Variants in TBC1D16 observed in about 807,000 individuals in gnomAD.
The protein encoded by TBC1D16 is CTD-2529O21.1.
TBC1D16 carries 58 observed loss-of-function variants against 74.7 expected under a neutral mutation model. That is an observed-to-expected ratio of 0.78 (90% confidence interval 0.63 to 0.97). TBC1D16 has a LOEUF of 0.97. Among genes scored for constraint, TBC1D16 ranks in the 50% least tolerant of loss-of-function variants. The pLI is 0.00. For missense variants in TBC1D16, 1,014 were observed against 1,079.5 expected (o/e 0.94, Z 0.85); for synonymous variants, 493 against 474.7 (o/e 1.04, Z -0.50).
At chr17:80,017,645 C>A (rs1314741898) in intron 1 of TBC1D16, among the ~76,000 whole-genome samples, 2 of 141,654 alleles carry the variant, frequency 1.4e-5, no homozygotes, top group African/African-American at 2.6e-5. Context: ...CGCTCCATTG[C>A]ACTCCAGCCT....
At chr17:80,013,283 T>A (rs1365397647) in intron 2 of TBC1D16, 84 bp downstream of exon 2, 5 of 1,326,626 alleles carry the variant, frequency 3.8e-6, no homozygotes, top group Non-Finnish European at 5.1e-6. Flanking sequence ...CACTCTCACG[T>A]GCTGTGGCCC....
chr17:80,013,312 G>A, intron 2 of TBC1D16, 55 bp downstream of exon 2: 4 of 1,520,414 alleles, frequency 2.6e-6, no homozygotes, highest in East Asian at 4.8e-5. Context: ...TAGAGCCCTG[G>A]CTCGGAAAAT....
chr17:80,028,001 G>T (rs1240712990), intron 1 of TBC1D16, among the ~76,000 whole-genome samples: 1 of 151,764 alleles, frequency 6.6e-6, no homozygotes, highest in Non-Finnish European at 1.5e-5. Flanking sequence ...TTGAAACGGT[G>T]ATGTCCTTGT....
chr17:79,941,012 G>A lies in TBC1D16; in HGVS notation c.2151C>T (p.Ser717=), dbSNP rs746404954. Residue 717 remains serine (S), a synonymous_variant, in exon 12 of 12, where the codon AGC becomes AGT. Transcript: ENST00000310924. The surrounding 1 kb of genome is among the most constrained non-coding windows in gnomAD (Gnocchi z 4.3). ...TGCACTCCACCGCGGGCATGGAGCC[G>A]CTGTCCCACATGCCTGACCCGCACA... is the stretch of plus-strand genomic sequence containing the variant. ...CKLCGSGMWD[S]GSMPAVECTG... 2.1e-5 allele frequency: 34 copies of A among 1,607,608 alleles called. No homozygotes were observed. The highest frequency in any genetic ancestry group is 1.6e-4 in the Middle Eastern group (1 of 6,074).
intron 10 of TBC1D16, chr17:79,943,805 T>C (rs1009912385): frequency 1.5e-6 from 2 of 1,300,158 alleles, no homozygotes; most frequent in East Asian, 7.0e-5. Context: ...ACGCGCTGAG[T>C]TCACGGGTAA....
rs544642230 is a variant in TBC1D16, at chr17:79,979,191, C to T, written c.780-26373G>A. 2.6e-5 allele frequency among the ~76,000 whole-genome samples: 4 copies of T among 152,312 alleles called. No individual in the cohort carries two copies. The South Asian group carries it at 8.3e-4, about 32-fold the overall frequency. ...GAAAGGAGGAGCCATAGGAGCTGGG[C>T]AGGGAAGGCCAGAGCACACACGCTC... On this transcript the variant is annotated intron_variant, in intron 3 of 11. Transcript: ENST00000310924. The surrounding 1 kb of genome is among the most constrained non-coding windows in gnomAD (Gnocchi z 4.8).
Position 79,979,390 on chromosome 17 carries a change from G to T in TBC1D16, c.780-26572C>A, listed in dbSNP as rs564960100. Among the ~76,000 whole-genome samples, 1 of 152,138 alleles carries T rather than the reference G, an allele frequency of 6.6e-6. No individual in the cohort carries two copies. The highest frequency in any genetic ancestry group is 1.5e-5 in the Non-Finnish European group (1 of 68,022). On this transcript the variant is annotated intron_variant, in intron 3 of 11. Transcript: ENST00000310924. This position sits in a 1 kb window ranked among gnomAD's most constrained non-coding sequence, Gnocchi z 4.8. The stretch of plus-strand genomic sequence containing the variant: ...CAAGGGCTCAGGCATCCCCAGTGCC[G>T]CCAATCACGTGGCCCTCTCGAGGTG...
At chr17:80,033,658 C>T (rs904416873) in intron 1 of TBC1D16, among the ~76,000 whole-genome samples, 2 of 152,166 alleles carry the variant, frequency 1.3e-5, no homozygotes, top group Non-Finnish European at 2.9e-5. Context: ...TATGCCCAGT[C>T]CAGGATTTGT....
rs555495295 is a variant in TBC1D16, at chr17:79,952,761, C to G, written c.837G>C (p.Gln279His). Reference sequence around the variant, plus strand: ...GCTGCGGCTCGTCCCAGCGTGGGGTCTGCAGGAGGCCGTTGCTGTCCGGGA... The same window carrying G: ...GCTGCGGCTCGTCCCAGCGTGGGGTGTGCAGGAGGCCGTTGCTGTCCGGGA... Reference protein sequence around the residue: ...LRFPDSNGLLQTPRWDEPQRV... With the variant: ...LRFPDSNGLLHTPRWDEPQRV... Residue 279 changes from glutamine to histidine, a missense_variant, in exon 4 of 12, where the codon CAG (glutamine) becomes CAC (histidine). Coordinates refer to ENST00000310924, the MANE Select transcript of TBC1D16 (RefSeq NM_019020.4). The G allele has an allele frequency of 1.2e-6, 2 of 1,612,170 alleles. No homozygotes were observed. Among genetic ancestry groups the G allele is most frequent in the Admixed American group, 1.7e-5 (1 of 59,970 alleles).
Position 79,987,445 on chromosome 17 carries a change from C to T in TBC1D16, c.779+22715G>A, listed in dbSNP as rs1198809036. Among the ~76,000 whole-genome samples, 2 of 151,960 alleles carry T rather than the reference C, an allele frequency of 1.3e-5. No homozygotes were observed. The highest frequency in any genetic ancestry group is 2.9e-5 in the Non-Finnish European group (2 of 67,994). On this transcript the variant is annotated intron_variant, in intron 3 of 11. Transcript: ENST00000310924. The surrounding 1 kb of genome is among the most constrained non-coding windows in gnomAD (Gnocchi z 5.2). ...TATTTTTTATAGAGATGGGGTCTCG[C>T]TATGTTGTCCAGGCTGATCTTGAAC... is the stretch of plus-strand genomic sequence containing the variant.
At chr17:79,958,601 A>C (rs545041098) in intron 3 of TBC1D16, among the ~76,000 whole-genome samples, 1 of 152,354 alleles carries the variant, frequency 6.6e-6, no homozygotes, top group East Asian at 1.9e-4. Flanking sequence ...TTTCACTTCC[A>C]TTCCTAGGAA....
intron 3 of TBC1D16, among the ~76,000 whole-genome samples, chr17:80,004,882 C>A (rs948012360): frequency 2.6e-5 from 4 of 152,188 alleles, no homozygotes; most frequent in Non-Finnish European, 5.9e-5. Flanking sequence ...ACGGTGTTGA[C>A]CACGCTGGCC....
At chr17:80,023,661 C>G (rs949301127) in intron 1 of TBC1D16, among the ~76,000 whole-genome samples, 7 of 144,280 alleles carry the variant, frequency 4.9e-5, no homozygotes, top group Non-Finnish European at 9.0e-5. Flanking sequence ...TGCCGGGCCC[C>G]CCCCCACCGG....
intron 1 of TBC1D16, among the ~76,000 whole-genome samples, chr17:80,025,115 C>CA (rs1378974240): frequency 0.043 from 3,493 of 81,696 alleles, 503 homozygotes; most frequent in African/African-American, 0.084. Context: ...CACACAAACA[C>CA]CACAGACACA....
rs112920785 is a variant in TBC1D16 at position 79,955,371 on chromosome 17, A to G, written c.780-2553T>C. 2.0e-3 allele frequency among the ~76,000 whole-genome samples: 308 copies of G among 152,296 alleles called. 1 individual carries two copies. Among genetic ancestry groups the G allele is most frequent in the African/African-American group, 7.0e-3 (289 of 41,552 alleles). On this transcript the variant is annotated intron_variant, in intron 3 of 11. Coordinates refer to ENST00000310924, the MANE Select transcript of TBC1D16 (RefSeq NM_019020.4). ...TCGTGTCTCTTCATCTTCAGCTCCCAGCCCTGGCTTGGCGCAGAACACACA... is the reference window on the plus strand; with the variant it reads ...TCGTGTCTCTTCATCTTCAGCTCCCGGCCCTGGCTTGGCGCAGAACACACA...
Position 80,014,098 on chromosome 17 carries a change from T to G in TBC1D16, c.-62-489A>C, listed in dbSNP as rs141056048. On this transcript the variant is annotated intron_variant, in intron 1 of 11. Coordinates refer to ENST00000310924, the MANE Select transcript of TBC1D16 (RefSeq NM_019020.4). ...CAGGCAAGGCGCACTGGCTCACGCCTGTAATCCCAGTACTCTGGGAGGCTG... is the reference window on the plus strand; with the variant it reads ...CAGGCAAGGCGCACTGGCTCACGCCGGTAATCCCAGTACTCTGGGAGGCTG... Among the ~76,000 whole-genome samples, 701 of 152,304 alleles carry G rather than the reference T, an allele frequency of 4.6e-3. 4 individuals are homozygous for G. Among genetic ancestry groups the G allele is most frequent in the African/African-American group, 0.016 (679 of 41,558 alleles).
intron 3 of TBC1D16, among the ~76,000 whole-genome samples, chr17:79,974,136 A>AGCTGGCG (rs1014689513): frequency 2.0e-5 from 3 of 152,230 alleles, no homozygotes; most frequent in Admixed American, 2.0e-4. Context: ...TCACCCAGAC[A>AGCTGGCG]GCTGGCGGGA....
At position 80,008,388 on chromosome 17, in the gene TBC1D16, G is replaced by A. The variant is rs953669105; in HGVS notation, c.779+1772C>T. On this transcript the variant is annotated intron_variant, in intron 3 of 11. Transcript: ENST00000310924. This position sits in a 1 kb window ranked among gnomAD's most constrained non-coding sequence, Gnocchi z 4.5. ...TAAACTTGAGCTCCCTACGAGATGG[G>A]GCTGCGGGACAGAGAGCTGACCGGC... Among the ~76,000 whole-genome samples, 1 of 152,138 alleles carries A rather than the reference G, an allele frequency of 6.6e-6. No individual in the cohort carries two copies. The highest frequency in any genetic ancestry group is 2.4e-5 in the African/African-American group (1 of 41,432).
rs3206575 is a variant in TBC1D16, at chr17:79,936,514, T to C, written c.*4345A>G. ...GGCATCATTATTCTCATGTTACAGG[T>C]GAGGAAACTGAGGCTGAAGGAGGCA... On this transcript the variant is annotated 3_prime_UTR_variant, in exon 12 of 12. Transcript: ENST00000310924. 45,343 of 152,138 alleles carry C rather than the reference T, an allele frequency of 0.3. 7,027 individuals carry two copies. The highest frequency in any genetic ancestry group is 0.42 in the East Asian group (2,167 of 5,158). The allele number at this position is 152,138 out of a possible 1,614,324, so 9.4% of individuals were successfully genotyped here.
Sources: allele counts gnomAD v4.1 joint callset (sites outside exome capture counted in the v4.1 genomes callset), GRCh38; gene constraint gnomAD v4.1.1; non-coding constraint Gnocchi (gnomAD v3.1); transcripts MANE v1.5; gene names NCBI Gene and HGNC (gene_info 2026-07-23, HGNC 2026-07-21).